The following RBMS1 variants were observed in gnomAD, a reference collection of about 807,000 sequenced individuals.
RBMS1 encodes the protein RNA binding motif single stranded interacting protein 1, also known as RNA-binding motif, single-stranded-interacting protein 1.
Under a neutral mutation model 62.3 loss-of-function variants are expected in RBMS1, and 17 were observed. The ratio of observed to expected loss-of-function variants is 0.27; its 90% confidence interval spans 0.19 to 0.41. The LOEUF (loss-of-function observed/expected upper bound fraction) is 0.41. Ranked by LOEUF, RBMS1 falls within the 10% of genes least tolerant of loss-of-function variation. RBMS1 has a pLI of 1.00. For synonymous variants in RBMS1, 172 were observed against 170.0 expected, an observed-to-expected ratio of 1.01 and a Z score of -0.09; for missense variants, 334 against 504.5, an observed-to-expected ratio of 0.66 and a Z score of 3.24.
At chr2:160,276,870 C>T (rs910408291) in intron 12 of RBMS1, among the ~76,000 whole-genome samples, 10 of 152,134 alleles carry the variant, frequency 6.6e-5, no homozygotes, top group African/African-American at 2.2e-4. Context: ...ATGAAAGGCA[C>T]TATAGGCTTA....
intron 1 of RBMS1, among the ~76,000 whole-genome samples, chr2:160,383,221 C>A (rs964175771): frequency 3.3e-5 from 5 of 152,104 alleles, no homozygotes; most frequent in Non-Finnish European, 7.4e-5. Flanking sequence ...GCCTTCCTTG[C>A]CTCTTCCAGT....
chr2:160,387,022 GA>G (rs1694615820), intron 1 of RBMS1, among the ~76,000 whole-genome samples: 2 of 152,190 alleles, frequency 1.3e-5, no homozygotes, highest in African/African-American at 4.8e-5. Flanking sequence ...GTCAGCTGAA[GA>G]ACTGGGAAGC....
chr2:160,395,900 C>T (rs931668814), intron 1 of RBMS1, among the ~76,000 whole-genome samples: 2 of 152,144 alleles, frequency 1.3e-5, no homozygotes, highest in Admixed American at 1.3e-4. Context: ...TTCCTTGACC[C>T]TTCCTCCAAA....
intron 1 of RBMS1, among the ~76,000 whole-genome samples, chr2:160,448,666 T>C (rs1683784747): frequency 6.6e-6 from 1 of 152,214 alleles, no homozygotes; most frequent in South Asian, 2.1e-4. Context: ...CCCAGCCGCC[T>C]GCCTTGGCCT....
In RBMS1 at chr2:160,432,123, CAT is replaced by C. The variant is rs1475370990; in HGVS notation, c.75+61164_75+61165del. Among the ~76,000 whole-genome samples, 10 of 152,188 alleles carry C rather than the reference CAT, an allele frequency of 6.6e-5. 1 individual carries two copies. The highest frequency in any genetic ancestry group is 2.4e-4 in the African/African-American group (10 of 41,490). On this transcript the variant is annotated intron_variant, in intron 1 of 13. Coordinates refer to ENST00000348849, the MANE Select transcript of RBMS1 (RefSeq NM_016836.4). ...AAATGTATGTCTACATATAAACTTG[CAT>C]ATGTTACATTATATTATATGTACTT...
intron 1 of RBMS1, among the ~76,000 whole-genome samples, chr2:160,445,851 C>G (rs1231851060): frequency 6.6e-6 from 1 of 152,170 alleles, no homozygotes; most frequent in Non-Finnish European, 1.5e-5. Flanking sequence ...CTCCCAGTAT[C>G]TCAGAGGAAG....
chr2:160,386,456 A>G (rs1694581861), intron 1 of RBMS1, among the ~76,000 whole-genome samples: 1 of 152,026 alleles, frequency 6.6e-6, no homozygotes, highest in African/African-American at 2.4e-5. Context: ...GAATCACTTG[A>G]ACCCAGGAGG....
chr2:160,461,286 A>G (rs534857644), intron 1 of RBMS1, among the ~76,000 whole-genome samples: 2 of 152,294 alleles, frequency 1.3e-5, no homozygotes, highest in South Asian at 4.1e-4. Context: ...AGAGAAAGAA[A>G]GAGAGAAAGA....
chr2:160,409,251 A>G (rs1695922303), intron 1 of RBMS1, among the ~76,000 whole-genome samples: 1 of 151,958 alleles, frequency 6.6e-6, no homozygotes, highest in African/African-American at 2.4e-5. Context: ...ACCGTATAAA[A>G]CACACATGTA....
chr2:160,375,321 A>C (rs943181475), intron 1 of RBMS1, among the ~76,000 whole-genome samples: 1 of 152,190 alleles, frequency 6.6e-6, no homozygotes, highest in African/African-American at 2.4e-5. Flanking sequence ...TATGCCCCTT[A>C]GGCCAGCATG....
chr2:160,427,500 T>C (rs1428127957), intron 1 of RBMS1, among the ~76,000 whole-genome samples: 1 of 152,186 alleles, frequency 6.6e-6, no homozygotes, highest in Non-Finnish European at 1.5e-5. Flanking sequence ...TAAACATATA[T>C]GTTTATCTGT....
At chr2:160,326,404 A>T (rs1019036491) in intron 2 of RBMS1, among the ~76,000 whole-genome samples, 1 of 152,214 alleles carries the variant, frequency 6.6e-6, no homozygotes, top group African/African-American at 2.4e-5. Context: ...GGAGGCATAA[A>T]CATAGAGGGA....
chr2:160,316,618 G>GTTGC (rs1158476844), intron 3 of RBMS1, among the ~76,000 whole-genome samples: 1 of 152,170 alleles, frequency 6.6e-6, no homozygotes, highest in Non-Finnish European at 1.5e-5. Context: ...TATGGAATAG[G>GTTGC]TTGCTTTTGG....
At chr2:160,451,174 T>TAAAAAAAAA in intron 1 of RBMS1, among the ~76,000 whole-genome samples, 1 of 138,830 alleles carries the variant, frequency 7.2e-6, no homozygotes, top group South Asian at 2.2e-4. Flanking sequence ...AAAAAATAAA[T>TAAAAAAAAA]AAATAAAAAC....
At chr2:160,334,310 G>T (rs1393481100) in intron 2 of RBMS1, among the ~76,000 whole-genome samples, 19 of 152,170 alleles carry the variant, frequency 1.2e-4, no homozygotes, top group Non-Finnish European at 2.9e-5. Flanking sequence ...GAATATGTGG[G>T]CAGTCAGAGT....
At chr2:160,436,188 T>C (rs1480268714) in intron 1 of RBMS1, among the ~76,000 whole-genome samples, 1 of 152,226 alleles carries the variant, frequency 6.6e-6, no homozygotes, top group Non-Finnish European at 1.5e-5. Context: ...CTGCTCGAAT[T>C]TGGGCTGGCA....
At chr2:160,284,022 G>A (rs766526659) in intron 9 of RBMS1, 1 of 152,106 alleles carries the variant, frequency 6.6e-6, no homozygotes, top group Non-Finnish European at 1.5e-5. Context: ...TCAACAAAAG[G>A]GAACTCTGCT....
intron 1 of RBMS1, among the ~76,000 whole-genome samples, chr2:160,448,022 T>C (rs1454413749): frequency 6.6e-6 from 1 of 152,232 alleles, no homozygotes; most frequent in Non-Finnish European, 1.5e-5. Context: ...TCATAGGCTA[T>C]GTTAACTTTA....
At chr2:160,277,087 T>C (rs1031579695) in intron 12 of RBMS1, among the ~76,000 whole-genome samples, 1 of 152,224 alleles carries the variant, frequency 6.6e-6, no homozygotes, top group Non-Finnish European at 1.5e-5. Context: ...GATCTCACTA[T>C]GTTGCCCAGG....
Sources: gnomAD v4.1 joint callset for allele counts (sites outside exome capture counted in the v4.1 genomes callset) on GRCh38, gnomAD v4.1.1 for gene constraint, MANE v1.5 for transcripts, NCBI Gene and HGNC (gene_info 2026-07-23, HGNC 2026-07-21) for gene names.